IL17RD: variants seen among roughly 807,000 people sequenced by gnomAD.
IL17RD encodes the protein interleukin 17 receptor D, also known as interleukin-17 receptor D.
IL17RD carries 52 observed loss-of-function variants against 80.5 expected under a neutral mutation model. That is an observed-to-expected ratio of 0.65 (90% confidence interval 0.52 to 0.81). The LOEUF is 0.81. Ranked by LOEUF, IL17RD falls within the 40% of genes least tolerant of loss-of-function variation. The probability of loss-of-function intolerance (pLI) is 0.00; values close to 1 mark genes in which losing one functional copy is unlikely to be tolerated. For synonymous variants in IL17RD, 416 were observed against 391.8 expected, an observed-to-expected ratio of 1.06 and a Z score of -0.73; for missense variants, 1,024 against 955.1, an observed-to-expected ratio of 1.07 and a Z score of -0.95.
intron 1 of IL17RD, among the ~76,000 whole-genome samples, chr3:57,142,800 A>C (rs1707856043): frequency 6.6e-6 from 1 of 152,202 alleles, no homozygotes; most frequent in Non-Finnish European, 1.5e-5. Context: ...TCATTTAAAA[A>C]AAAAAACTTT....
At chr3:57,122,892 G>A (rs996542868) in intron 1 of IL17RD, among the ~76,000 whole-genome samples, 2 of 151,920 alleles carry the variant, frequency 1.3e-5, no homozygotes, top group African/African-American at 4.8e-5. Flanking sequence ...TAGGGACCCT[G>A]GCGACCAATC....
At chr3:57,113,667 T>C (rs1707146979) in intron 3 of IL17RD, among the ~76,000 whole-genome samples, 1 of 152,142 alleles carries the variant, frequency 6.6e-6, no homozygotes, top group African/African-American at 2.4e-5. Context: ...GCCGTCCAAG[T>C]AGCTAAGACT....
At chr3:57,119,523 T>C (rs1042002437) in intron 2 of IL17RD, among the ~76,000 whole-genome samples, 45 of 152,140 alleles carry the variant, frequency 3.0e-4, no homozygotes, top group African/African-American at 1.1e-3. Context: ...AGTGAGACTC[T>C]ATCTCAAAAA....
In IL17RD at chr3:57,094,660, G is replaced by C. The variant is rs1485498808; in HGVS notation, c.*1733C>G. The C allele has an allele frequency of 6.6e-6, 1 of 152,342 alleles. No individual in the cohort carries two copies. Among genetic ancestry groups the C allele is most frequent in the South Asian group, 2.1e-4 (1 of 4,820 alleles). The allele number at this position is 152,342 out of a possible 1,614,324, so 9.4% of individuals were successfully genotyped here. Reference sequence around the variant, plus strand: ...GTTCCAAGTGAATTTTCGTATGTTAGCAAGTTTGGACTAACCAATCTCCTT... The same window carrying C: ...GTTCCAAGTGAATTTTCGTATGTTACCAAGTTTGGACTAACCAATCTCCTT... On this transcript the variant is annotated 3_prime_UTR_variant, in exon 13 of 13. Transcript: ENST00000296318.
chr3:57,105,924 A>G lies in IL17RD; in HGVS notation c.680T>C (p.Phe227Ser). 1.2e-6 allele frequency: 2 copies of G among 1,613,898 alleles called. No homozygotes were observed. Among genetic ancestry groups the G allele is most frequent in the East Asian group, 4.5e-5 (2 of 44,882 alleles). The change falls in exon 7 of 13, where the codon TTC becomes TCC. Residue 227 changes from phenylalanine (F) to serine (S), a missense_variant. By Grantham distance (155) the Phe-to-Ser change is radical. Coordinates refer to ENST00000296318, the MANE Select transcript of IL17RD (RefSeq NM_017563.5). Reference sequence around the variant, plus strand: ...CTTGTAGTGAAGATAGAAGAAACGGAAGCCGAAGTTGTGCGGTGCATGGTC... The same window carrying G: ...CTTGTAGTGAAGATAGAAGAAACGGGAGCCGAAGTTGTGCGGTGCATGGTC... ...SFDHAPHNFG[F>S]RFFYLHYKLK...
At chr3:57,097,399 G>C in intron 12 of IL17RD, 197 bp downstream of exon 12, 1 of 604,736 alleles carries the variant, frequency 1.7e-6, no homozygotes, top group Non-Finnish European at 3.0e-6. Flanking sequence ...CTATAATTTA[G>C]CATTAGTATT....
chr3:57,157,312 G>A (rs1397283167), intron 1 of IL17RD, among the ~76,000 whole-genome samples: 3 of 152,178 alleles, frequency 2.0e-5, no homozygotes, highest in African/African-American at 7.2e-5. Context: ...GAGTAGGGAA[G>A]TGTGGAGAGA....
rs1401715931 is a variant in IL17RD, at chr3:57,163,803, A to AGGGGGGGGGG, written c.126+1357_126+1358insCCCCCCCCCC. ...AATGGGGCGGGGGGGCGGGGGGGGA[A>AGGGGGGGGGG]GGGGGTGGCGGGGGCGGAGGCAGAG... On this transcript the variant is annotated intron_variant, in intron 1 of 12. Coordinates refer to ENST00000296318, the MANE Select transcript of IL17RD (RefSeq NM_017563.5). Among the ~76,000 whole-genome samples the AGGGGGGGGGG allele has an allele frequency of 3.2e-3, 18 of 5,546 alleles. 1 individual carries two copies. The highest frequency in any genetic ancestry group is 7.8e-3 in the Admixed American group (7 of 902). The allele number at this position is 5,546 out of a possible 152,430, so 3.6% of individuals were successfully genotyped here.
At chr3:57,110,517 A>G (rs1217460521) in intron 3 of IL17RD, among the ~76,000 whole-genome samples, 2 of 152,134 alleles carry the variant, frequency 1.3e-5, no homozygotes, top group Non-Finnish European at 2.9e-5. Context: ...CCATCCCACC[A>G]TTACTAATTA....
At position 57,094,520 on chromosome 3, in the gene IL17RD, A is replaced by C. The variant is rs943814726; in HGVS notation, c.*1873T>G. ...AGTCCTCCATTCTCTCCCTGGGGCC[A>C]CTTTCTCAGAGATGCCTTATTTCAT... On this transcript the variant is annotated 3_prime_UTR_variant, in exon 13 of 13. Coordinates refer to ENST00000296318, the MANE Select transcript of IL17RD (RefSeq NM_017563.5). 2 of 152,120 alleles carry C rather than the reference A, an allele frequency of 1.3e-5. No individual in the cohort carries two copies. The highest frequency in any genetic ancestry group is 4.8e-5 in the African/African-American group (2 of 41,406). The allele number at this position is 152,120 out of a possible 1,614,324, so 9.4% of individuals were successfully genotyped here. A position where few individuals can be genotyped will look rare whatever the true frequency, so the allele number is the denominator to read the frequency against.
intron 1 of IL17RD, among the ~76,000 whole-genome samples, chr3:57,154,331 T>C (rs1296935385): frequency 6.7e-6 from 1 of 149,118 alleles, no homozygotes; most frequent in African/African-American, 2.5e-5. Flanking sequence ...CCATTTAAAA[T>C]CTCCTATATG....
At chr3:57,160,748 C>T (rs914961873) in intron 1 of IL17RD, among the ~76,000 whole-genome samples, 1 of 152,168 alleles carries the variant, frequency 6.6e-6, no homozygotes, top group African/African-American at 2.4e-5. Context: ...GATTGTGGGA[C>T]CCCTGTCCCC....
At chr3:57,100,312 A>C (rs952271244) in intron 11 of IL17RD, among the ~76,000 whole-genome samples, 4 of 152,228 alleles carry the variant, frequency 2.6e-5, no homozygotes, top group Non-Finnish European at 4.4e-5. Flanking sequence ...CACCACATGG[A>C]GAGATTCTGA....
chr3:57,161,672 T>TAG (rs1053245987), intron 1 of IL17RD, among the ~76,000 whole-genome samples: 2 of 151,920 alleles, frequency 1.3e-5, no homozygotes, highest in Non-Finnish European at 2.9e-5. Context: ...CCTGTGGGAG[T>TAG]AGATTCCTAA....
intron 1 of IL17RD, among the ~76,000 whole-genome samples, chr3:57,154,082 CA>C (rs200023961): frequency 6.7e-6 from 1 of 148,906 alleles, no homozygotes; most frequent in Non-Finnish European, 1.5e-5. Context: ...TCTGTCTTAA[CA>C]AAAAAAAAGT....
Position 57,148,095 on chromosome 3 carries a change from G to T in IL17RD, c.126+17066C>A, listed in dbSNP as rs972181386. Among the ~76,000 whole-genome samples, 16 of 117,758 alleles carry T rather than the reference G, an allele frequency of 1.4e-4. 2 individuals are homozygous for T. Among genetic ancestry groups the T allele is most frequent in the African/African-American group, 4.4e-4 (14 of 32,018 alleles). 77.3% of individuals were successfully genotyped at this position (117,758 alleles called of 152,430 possible). A position where few individuals can be genotyped will look rare whatever the true frequency, so the allele number is the denominator to read the frequency against. On this transcript the variant is annotated intron_variant, in intron 1 of 12. Coordinates refer to ENST00000296318, the MANE Select transcript of IL17RD (RefSeq NM_017563.5). ...ACTTTGGGAGGCCAAGGTTGGGGGG[G>T]GGGGGGGGGCGATCGCTAGGTCAAG...
chr3:57,138,371 G>A (rs1707767114), intron 1 of IL17RD, among the ~76,000 whole-genome samples: 1 of 152,056 alleles, frequency 6.6e-6, no homozygotes, highest in Non-Finnish European at 1.5e-5. Context: ...ACAGTGTTAG[G>A]GCCACATATG....
intron 1 of IL17RD, among the ~76,000 whole-genome samples, chr3:57,151,346 G>T (rs1158686332): frequency 6.6e-6 from 1 of 152,174 alleles, no homozygotes; most frequent in East Asian, 1.9e-4. Flanking sequence ...CCATCAGTGA[G>T]TAACAAAAAC....
rs1229823272 is a variant in IL17RD at position 57,104,460 on chromosome 3, C to T, written c.748-53G>A. On this transcript the variant is annotated intron_variant, in intron 7 of 12. Coordinates refer to ENST00000296318, the MANE Select transcript of IL17RD (RefSeq NM_017563.5). The stretch of plus-strand genomic sequence containing the variant: ...AACTCACTTCTTGGGCAAAGGTCTT[C>T]AGGACACCTCTTCTCCCCCAGAGCT... 4.0e-5 allele frequency: 47 copies of T among 1,179,798 alleles called. No individual in the cohort carries two copies. The Admixed American group carries it at 8.9e-4, about 22-fold the overall frequency. The allele number at this position is 1,179,798 out of a possible 1,614,324, so 73.1% of individuals were successfully genotyped here.
Sources: allele counts gnomAD v4.1 joint callset (sites outside exome capture counted in the v4.1 genomes callset), GRCh38; gene constraint gnomAD v4.1.1; transcripts MANE v1.5; gene names NCBI Gene and HGNC (gene_info 2026-07-23, HGNC 2026-07-21).